DPY19L3: variants seen among roughly 807,000 people sequenced by gnomAD.
The protein encoded by DPY19L3 is protein C-mannosyl-transferase DPY19L3.
In DPY19L3, 51 loss-of-function variants were observed where a neutral mutation model predicts 92.3. The ratio of observed to expected loss-of-function variants is 0.55; its 90% CI spans 0.44 to 0.70. DPY19L3 has a LOEUF of 0.70. DPY19L3 is among the 30% of genes least tolerant of loss of function. DPY19L3 has a pLI of 0.00. For missense variants in DPY19L3, 706 were observed against 855.9 expected, an observed-to-expected ratio of 0.82 and a Z score of 2.18; for synonymous variants, 309 against 315.2, an observed-to-expected ratio of 0.98 and a Z score of 0.21.
Position 32,436,582 on chromosome 19 carries a change from A to G in DPY19L3, c.450+15A>G. 2 of 1,460,270 alleles carry G rather than the reference A, an allele frequency of 1.4e-6. No homozygotes were observed. Among genetic ancestry groups the G allele is most frequent in the South Asian group, 1.5e-5 (1 of 67,416 alleles). The allele number at this position is 1,460,270 out of a possible 1,614,324, so 90.5% of individuals were successfully genotyped here. A position where few individuals can be genotyped will look rare whatever the true frequency, so the allele number is the denominator to read the frequency against. ...TACCCATACAGGTATGTTTTGTGAT[A>G]TTGAATTATTAATATCAGATGAAAG... On this transcript the variant is annotated intron_variant, in intron 5 of 18. Coordinates refer to ENST00000392250, the MANE Select transcript of DPY19L3 (RefSeq NM_001172774.2).
At chr19:32,474,542 G>GC (rs1289481778) in intron 16 of DPY19L3, among the ~76,000 whole-genome samples, 2 of 152,216 alleles carry the variant, frequency 1.3e-5, no homozygotes, top group Non-Finnish European at 2.9e-5. Context: ...GCTCACTACA[G>GC]CACTGGGTTA....
At chr19:32,473,038 G>A (rs1262897962) in intron 16 of DPY19L3, among the ~76,000 whole-genome samples, 1 of 152,170 alleles carries the variant, frequency 6.6e-6, no homozygotes, top group Non-Finnish European at 1.5e-5. Flanking sequence ...TGTAGATAAA[G>A]CAAATGTTCA....
chr19:32,463,177 A>G (rs1970093777), intron 12 of DPY19L3, among the ~76,000 whole-genome samples, 189 bp from the exon 13 acceptor site: 1 of 151,874 alleles, frequency 6.6e-6, no homozygotes, highest in South Asian at 2.1e-4. Flanking sequence ...TCTCATTATT[A>G]ATGCATTTAT....
At chr19:32,475,141 C>A (rs1970468028) in intron 16 of DPY19L3, among the ~76,000 whole-genome samples, 1 of 152,198 alleles carries the variant, frequency 6.6e-6, no homozygotes, top group East Asian at 1.9e-4. Flanking sequence ...TAATTATAAA[C>A]TGCATGCTAC....
intron 2 of DPY19L3, among the ~76,000 whole-genome samples, chr19:32,409,922 C>T (rs1005071714): frequency 1.3e-5 from 2 of 152,046 alleles, no homozygotes; most frequent in African/African-American, 4.8e-5. Flanking sequence ...TTGGAGGGGC[C>T]GAATAGTCAA....
At chr19:32,414,437 A>G (rs561548163) in intron 3 of DPY19L3, among the ~76,000 whole-genome samples, 8 of 150,764 alleles carry the variant, frequency 5.3e-5, no homozygotes, top group Non-Finnish European at 4.4e-5. Context: ...ACAAACAAAC[A>G]AAAGAAATTA....
chr19:32,462,345 C>T (rs1278465424), intron 12 of DPY19L3, among the ~76,000 whole-genome samples: 3 of 152,140 alleles, frequency 2.0e-5, no homozygotes, highest in African/African-American at 7.2e-5. Flanking sequence ...GGAGAGATTT[C>T]ATCATGCAAC....
intron 1 of DPY19L3, among the ~76,000 whole-genome samples, chr19:32,407,667 T>C (rs997344277): frequency 4.6e-5 from 7 of 152,210 alleles, no homozygotes; most frequent in Non-Finnish European, 1.0e-4. Flanking sequence ...TTGTGTTGCT[T>C]ACCTGTATTC....
At chr19:32,468,497 C>T (rs1050633580) in intron 15 of DPY19L3, 9 of 1,173,040 alleles carry the variant, frequency 7.7e-6, no homozygotes, top group East Asian at 7.9e-5. Flanking sequence ...TTAAAGTTGG[C>T]GATACCTCAC....
chr19:32,462,920 T>G (rs1434873271), intron 12 of DPY19L3, among the ~76,000 whole-genome samples: 1 of 152,218 alleles, frequency 6.6e-6, no homozygotes, highest in Non-Finnish European at 1.5e-5. Flanking sequence ...TATTGGTAGG[T>G]TAAAAATGTG....
chr19:32,438,252 C>T (rs879883485), intron 6 of DPY19L3, among the ~76,000 whole-genome samples: 3 of 152,066 alleles, frequency 2.0e-5, no homozygotes, highest in Non-Finnish European at 4.4e-5. Context: ...AAGCAAATTA[C>T]GTGTTATGAC....
chr19:32,468,069 C>G, intron 15 of DPY19L3: 2 of 985,124 alleles, frequency 2.0e-6, no homozygotes, highest in South Asian at 9.4e-5. Context: ...AAAATACAAT[C>G]ATGCTATTTT....
At position 32,463,854 on chromosome 19, in the gene DPY19L3, T is replaced by C; in HGVS notation, c.1446-15T>C. On this transcript the variant is annotated splice_polypyrimidine_tract_variant and intron_variant, in intron 13 of 18. Transcript: ENST00000392250. ...AACTAGTACTTCTGACTTGCGCCTG[T>C]GTCTGTTCTTGCAGAATGAAGTACC... The C allele has an allele frequency of 4.4e-6, 7 of 1,605,682 alleles. No homozygotes were observed. The highest frequency in any genetic ancestry group is 6.0e-6 in the Non-Finnish European group (7 of 1,172,756).
rs1268336600 is a variant in DPY19L3 at position 32,468,472 on chromosome 19, T to TA, written c.1615-254dup. 7.1e-6 allele frequency: 8 copies of TA among 1,133,100 alleles called. No individual in the cohort carries two copies. The East Asian group carries it at 3.8e-4, about 54-fold the overall frequency. 70.2% of individuals were successfully genotyped at this position (1,133,100 alleles called of 1,614,324 possible). On this transcript the variant is annotated intron_variant, in intron 15 of 18. Transcript: ENST00000392250. ...CAATAGCATTTCTATTGGAGCAAAA[T>TA]AAAAAGCTCATTTTTTAAAGTTGGC...
At chr19:32,422,221 G>A (rs1220654103) in intron 3 of DPY19L3, among the ~76,000 whole-genome samples, 1 of 152,192 alleles carries the variant, frequency 6.6e-6, no homozygotes, top group African/African-American at 2.4e-5. Context: ...TTACAGTGGA[G>A]ATGTGGAGGT....
At chr19:32,441,756 C>T (rs1969332665) in intron 8 of DPY19L3, among the ~76,000 whole-genome samples, 1 of 152,124 alleles carries the variant, frequency 6.6e-6, no homozygotes, top group African/African-American at 2.4e-5. Flanking sequence ...CCTTGGCCTC[C>T]CAAAGTGCTG....
intron 8 of DPY19L3, among the ~76,000 whole-genome samples, chr19:32,447,841 T>C (rs1483593950): frequency 6.7e-6 from 1 of 149,624 alleles, no homozygotes; most frequent in Non-Finnish European, 1.5e-5. Flanking sequence ...GATAGATAGA[T>C]AGATAGATAG....
At chr19:32,430,981 G>A (rs908055863) in intron 3 of DPY19L3, among the ~76,000 whole-genome samples, 1 of 152,012 alleles carries the variant, frequency 6.6e-6, no homozygotes, top group Non-Finnish European at 1.5e-5. Flanking sequence ...GTTGGAGTTA[G>A]GGGGAAGCAA....
At chr19:32,426,320 C>T (rs1968762821) in intron 3 of DPY19L3, among the ~76,000 whole-genome samples, 1 of 152,220 alleles carries the variant, frequency 6.6e-6, no homozygotes, top group Non-Finnish European at 1.5e-5. Flanking sequence ...TTCCCCGTAT[C>T]AGCAATGAGG....
Sources: gnomAD v4.1 joint callset for allele counts (sites outside exome capture counted in the v4.1 genomes callset) on GRCh38, gnomAD v4.1.1 for gene constraint, MANE v1.5 for transcripts, NCBI Gene and HGNC (gene_info 2026-07-23, HGNC 2026-07-21) for gene names.